Variants in EXOC6 observed in about 807,000 individuals in gnomAD.
EXOC6 encodes the protein SEC15-like 1.
In EXOC6, 60 loss-of-function variants were observed where a neutral mutation model predicts 112.5. The ratio of observed to expected loss-of-function variants is 0.53; its 90% CI spans 0.43 to 0.66. EXOC6 has a LOEUF of 0.66. Among genes scored for constraint, EXOC6 ranks in the 30% least tolerant of loss-of-function variants. The probability of loss-of-function intolerance (pLI) is 0.00; values close to 1 mark genes in which losing one functional copy is unlikely to be tolerated. For missense variants in EXOC6, 855 were observed against 957.1 expected, an observed-to-expected ratio of 0.89 and a Z score of 1.41; for synonymous variants, 295 against 308.0, an observed-to-expected ratio of 0.96 and a Z score of 0.44.
At chr10:92,933,626 A>C (rs1029200533) in intron 9 of EXOC6, among the ~76,000 whole-genome samples, 2 of 152,228 alleles carry the variant, frequency 1.3e-5, no homozygotes, top group African/African-American at 2.4e-5. Flanking sequence ...TCATGTAATA[A>C]ACTTTTTATG....
At chr10:92,903,109 C>T (rs1163151969) in intron 5 of EXOC6, among the ~76,000 whole-genome samples, 2 of 151,528 alleles carry the variant, frequency 1.3e-5, no homozygotes, top group African/African-American at 4.8e-5. Flanking sequence ...TTTAAGAAAC[C>T]GTTAAATACT....
chr10:92,992,309 A>AG (rs1392737620), intron 18 of EXOC6, among the ~76,000 whole-genome samples: 17 of 151,606 alleles, frequency 1.1e-4, no homozygotes, highest in African/African-American at 4.1e-4. Flanking sequence ...AAAAAAAAAA[A>AG]AAATTTGTCT....
chr10:93,014,084 A>G (rs575962192), intron 19 of EXOC6, 110 bp from the exon 20 acceptor site: 3 of 759,814 alleles, frequency 3.9e-6, no homozygotes, highest in East Asian at 5.6e-5. Flanking sequence ...TGAAATGATT[A>G]TGTGTAAATA....
At chr10:92,839,636 T>A (rs1410485435) in intron 1 of EXOC6, among the ~76,000 whole-genome samples, 1 of 152,172 alleles carries the variant, frequency 6.6e-6, no homozygotes, top group Non-Finnish European at 1.5e-5. Flanking sequence ...GACTCAGACC[T>A]GGATGTAGCC....
chr10:92,954,591 T>C, intron 15 of EXOC6, 39 bp from the exon 16 acceptor site: 4 of 994,732 alleles, frequency 4.0e-6, no homozygotes, highest in African/African-American at 1.6e-5. Context: ...ACCACATTCA[T>C]TATTTATTAA....
At chr10:93,049,610 A>G (rs1363809798) in intron 20 of EXOC6, among the ~76,000 whole-genome samples, 3 of 152,166 alleles carry the variant, frequency 2.0e-5, no homozygotes, top group Admixed American at 2.0e-4. Flanking sequence ...AAATAGAGGC[A>G]GGGTCTTGCT....
At chr10:93,011,506 C>T (rs560099754) in intron 19 of EXOC6, among the ~76,000 whole-genome samples, 28 of 152,210 alleles carry the variant, frequency 1.8e-4, no homozygotes, top group African/African-American at 6.5e-4. Context: ...AGCAATCCTC[C>T]AGCCTTGGCT....
intron 17 of EXOC6, among the ~76,000 whole-genome samples, chr10:92,956,660 A>G (rs1853708069): frequency 6.6e-6 from 1 of 152,134 alleles, no homozygotes; most frequent in South Asian, 2.1e-4. Context: ...TCATTTCAAT[A>G]CATAAGACAC....
At chr10:93,051,256 A>G (rs1473537619) in intron 20 of EXOC6, among the ~76,000 whole-genome samples, 1 of 152,180 alleles carries the variant, frequency 6.6e-6, no homozygotes, top group Non-Finnish European at 1.5e-5. Flanking sequence ...TGTACAGTTC[A>G]CCTGAGTGAA....
At chr10:92,958,229 G>C (rs1853798281) in intron 17 of EXOC6, among the ~76,000 whole-genome samples, 1 of 152,110 alleles carries the variant, frequency 6.6e-6, no homozygotes, top group African/African-American at 2.4e-5. Flanking sequence ...ACTACTTAAA[G>C]CTAATATAAG....
At chr10:92,958,290 A>G (rs769743513) in intron 17 of EXOC6, among the ~76,000 whole-genome samples, 2 of 152,168 alleles carry the variant, frequency 1.3e-5, no homozygotes, top group Non-Finnish European at 2.9e-5. Flanking sequence ...AAAAAATGGA[A>G]ATACCATTCC....
In EXOC6 at chr10:92,980,708, T is replaced by C. The variant is rs541372271; in HGVS notation, c.1953+6476T>C. ...TAATGCCAATGAGGTCTGATTAATATGTAATTTTATCTCTAAATTAGTACC... is the reference window on the plus strand; with the variant it reads ...TAATGCCAATGAGGTCTGATTAATACGTAATTTTATCTCTAAATTAGTACC... On this transcript the variant is annotated intron_variant, in intron 18 of 21. Transcript: ENST00000260762. Among the ~76,000 whole-genome samples, 532 of 152,358 alleles carry C rather than the reference T, an allele frequency of 3.5e-3. 5 individuals are homozygous for C. The highest frequency in any genetic ancestry group is 6.2e-3 in the Non-Finnish European group (423 of 68,026).
chr10:92,830,332 TA>T (rs1467745962), upstream of EXOC6, among the ~76,000 whole-genome samples: 1 of 152,094 alleles, frequency 6.6e-6, no homozygotes, highest in Non-Finnish European at 1.5e-5. Context: ...ATTTGAAGAA[TA>T]AACTTACTTA....
chr10:92,851,365 G>A (rs2133627823), intron 1 of EXOC6, among the ~76,000 whole-genome samples: 1 of 152,278 alleles, frequency 6.6e-6, no homozygotes, highest in Admixed American at 6.5e-5. Context: ...AAATAACAGG[G>A]CCAGGCGCGG....
intron 12 of EXOC6, among the ~76,000 whole-genome samples, 183 bp downstream of exon 12, chr10:92,936,068 A>C (rs1170689674): frequency 6.6e-6 from 1 of 152,218 alleles, no homozygotes; most frequent in Non-Finnish European, 1.5e-5. Context: ...TCAATTATGA[A>C]GCTTAGACAG....
intron 7 of EXOC6, among the ~76,000 whole-genome samples, chr10:92,919,487 G>A (rs766291456): frequency 1.3e-5 from 2 of 152,022 alleles, no homozygotes; most frequent in Admixed American, 1.3e-4. Context: ...AAAGATGATG[G>A]TGTTATAGTT....
chr10:92,883,890 TTTTCTTTTC>T (rs1307327750), intron 1 of EXOC6, among the ~76,000 whole-genome samples: 5 of 151,870 alleles, frequency 3.3e-5, no homozygotes, highest in African/African-American at 4.8e-5. Flanking sequence ...CTTTTTGTTC[TTTTCTTTTC>T]TTTTCTTTTC....
intron 19 of EXOC6, among the ~76,000 whole-genome samples, chr10:93,009,138 C>T (rs563338798): frequency 2.8e-4 from 42 of 152,088 alleles, no homozygotes; most frequent in African/African-American, 9.6e-4. Flanking sequence ...TGCTTGAGCC[C>T]AGGAGGTTGA....
intron 19 of EXOC6, among the ~76,000 whole-genome samples, chr10:93,003,838 A>T (rs1316592514): frequency 6.6e-6 from 1 of 152,158 alleles, no homozygotes; most frequent in African/African-American, 2.4e-5. Context: ...AAAAATTGAG[A>T]TGGATAAGAT....
Sources: allele counts gnomAD v4.1 joint callset (sites outside exome capture counted in the v4.1 genomes callset), GRCh38; gene constraint gnomAD v4.1.1; transcripts MANE v1.5; gene names NCBI Gene and HGNC (gene_info 2026-07-23, HGNC 2026-07-21).